Variants in NEMP2 observed in about 807,000 individuals in gnomAD.
The protein encoded by NEMP2 is nuclear envelope integral membrane protein 2.
In NEMP2, 53 loss-of-function variants were observed where a neutral mutation model predicts 54.2. The observed-to-expected ratio is 0.98, with a 90% CI of 0.78 to 1.23. NEMP2 has a LOEUF of 1.23. Ranked by LOEUF, NEMP2 falls within the 50% of genes most tolerant of loss-of-function variation. NEMP2 has a pLI of 0.00. For synonymous variants in NEMP2, 197 were observed against 190.3 expected (o/e 1.04, Z -0.29); for missense variants, 455 against 511.3 (o/e 0.89, Z 1.06).
chr2:190,565,520 A>G, the NEMP2 span, among the ~76,000 whole-genome samples: 1 of 152,212 alleles, frequency 6.6e-6, no homozygotes, highest in Non-Finnish European at 1.5e-5. Context: ...CCTTGGGACC[A>G]ATATCTGTGG....
chr2:190,535,273 T>G (rs1291451110), upstream of NEMP2, among the ~76,000 whole-genome samples: 1 of 152,244 alleles, frequency 6.6e-6, no homozygotes. Flanking sequence ...TTTGGCCGCT[T>G]AAGTAACACT....
the NEMP2 span, among the ~76,000 whole-genome samples, chr2:190,593,240 A>G: frequency 3.3e-5 from 5 of 152,328 alleles, no homozygotes; most frequent in South Asian, 2.1e-4. This position sits in a 1 kb window ranked among gnomAD's most constrained non-coding sequence, Gnocchi z 4.5. Context: ...TGGCTTTCCC[A>G]TATTACTTAG....
the NEMP2 span, among the ~76,000 whole-genome samples, chr2:190,605,751 G>A: frequency 6.6e-6 from 1 of 152,138 alleles, no homozygotes; most frequent in Admixed American, 6.5e-5. Flanking sequence ...CATCTTCTAT[G>A]TGCCAAAGCC....
chr2:190,528,408 T>C lies in NEMP2; in HGVS notation c.98-3030A>G, dbSNP rs1172038685. 6.6e-6 allele frequency among the ~76,000 whole-genome samples: 1 copy of C among 152,136 alleles called. No homozygotes were observed. The highest frequency in any genetic ancestry group is 1.5e-5 in the Non-Finnish European group (1 of 68,010). On this transcript the variant is annotated intron_variant, in intron 1 of 8. Transcript: ENST00000409150. The surrounding 1 kb of genome is among the most constrained non-coding windows in gnomAD (Gnocchi z 4.3). Reference sequence around the variant, plus strand: ...GCCTCCTCGGGGGGGTCTCTAAGCATGGCTAGAGTTAATAACTTTATACTG... The same window carrying C: ...GCCTCCTCGGGGGGGTCTCTAAGCACGGCTAGAGTTAATAACTTTATACTG...
the NEMP2 span, chr2:190,488,800 G>C: frequency 6.4e-7 from 1 of 1,572,776 alleles, no homozygotes; most frequent in South Asian, 1.2e-5. The surrounding 1 kb of genome is among the most constrained non-coding windows in gnomAD (Gnocchi z 6.4). Flanking sequence ...GATCGGAGGC[G>C]TGTTAGTCAA....
chr2:190,561,148 C>T, the NEMP2 span, among the ~76,000 whole-genome samples: 5 of 152,124 alleles, frequency 3.3e-5, no homozygotes, highest in African/African-American at 7.2e-5. The surrounding 1 kb of genome is among the most constrained non-coding windows in gnomAD (Gnocchi z 5.4). Context: ...CCCATCAGGA[C>T]CGCTCATTCT....
At chr2:190,463,857 G>C in the NEMP2 span, 1 of 979,974 alleles carries the variant, frequency 1.0e-6, no homozygotes, top group Non-Finnish European at 1.2e-6. The surrounding 1 kb of genome is among the most constrained non-coding windows in gnomAD (Gnocchi z 4.4). Flanking sequence ...ATAAAAAGCT[G>C]AGAATGATGG....
At chr2:190,534,775 A>G (rs1691310851), upstream of NEMP2, 1 of 713,184 alleles carries the variant, frequency 1.4e-6, no homozygotes, top group African/African-American at 1.8e-5. Context: ...AACGCGGGAA[A>G]GGCGGAGACC....
At chr2:190,473,523 T>G in the NEMP2 span, among the ~76,000 whole-genome samples, 2 of 152,184 alleles carry the variant, frequency 1.3e-5, no homozygotes, top group East Asian at 1.9e-4. Context: ...AAGAGCTAAC[T>G]ATCCTAAATA....
chr2:190,538,374 T>C (rs1043015340), upstream of NEMP2, among the ~76,000 whole-genome samples: 1 of 152,238 alleles, frequency 6.6e-6, no homozygotes, highest in African/African-American at 2.4e-5. The surrounding 1 kb of genome is among the most constrained non-coding windows in gnomAD (Gnocchi z 4.1). Context: ...ATTCATCTCA[T>C]TGATGGACAC....
the NEMP2 span, among the ~76,000 whole-genome samples, chr2:190,605,402 G>A: frequency 6.7e-6 from 1 of 150,230 alleles, no homozygotes; most frequent in Non-Finnish European, 1.5e-5. Context: ...ATGGAGTCTC[G>A]CTCGCTCTGT....
At chr2:190,518,408 A>C (rs1690638444) in intron 4 of NEMP2, among the ~76,000 whole-genome samples, 1 of 152,204 alleles carries the variant, frequency 6.6e-6, no homozygotes. Flanking sequence ...TCCAGCCCTG[A>C]TAAGAACTAG....
At chr2:190,603,178 C>A in the NEMP2 span, among the ~76,000 whole-genome samples, 6 of 151,680 alleles carry the variant, frequency 4.0e-5, 1 homozygote, top group Admixed American at 3.9e-4. Context: ...ATTTTTACAC[C>A]AAGGGGTATG....
the NEMP2 span, among the ~76,000 whole-genome samples, chr2:190,637,037 A>G: frequency 6.6e-6 from 1 of 152,226 alleles, no homozygotes; most frequent in Non-Finnish European, 1.5e-5. This position sits in a 1 kb window ranked among gnomAD's most constrained non-coding sequence, Gnocchi z 4.5. Flanking sequence ...TAATCATTTA[A>G]AAAGTACAGA....
At chr2:190,461,572 TGGCA>T in the NEMP2 span, among the ~76,000 whole-genome samples, 1 of 152,226 alleles carries the variant, frequency 6.6e-6, no homozygotes, top group Non-Finnish European at 1.5e-5. This position sits in a 1 kb window ranked among gnomAD's most constrained non-coding sequence, Gnocchi z 5.5. Flanking sequence ...ATCAAAGTGT[TGGCA>T]GGTTCGGTGA....
rs935353796 is a variant in NEMP2 at position 190,527,479 on chromosome 2, C to T, written c.98-2101G>A. On this transcript the variant is annotated intron_variant, in intron 1 of 8. Coordinates refer to ENST00000409150, the MANE Select transcript of NEMP2 (RefSeq NM_001142645.2). The surrounding 1 kb of genome is among the most constrained non-coding windows in gnomAD (Gnocchi z 4.0). ...GCAGCAAAATTACACAAGGACCCAA[C>T]GTATTCAACTGTGACAGTCAAATCA... 4.6e-5 allele frequency among the ~76,000 whole-genome samples: 7 copies of T among 152,292 alleles called. No individual in the cohort carries two copies. Among genetic ancestry groups the T allele is most frequent in the African/African-American group, 7.2e-5 (3 of 41,554 alleles).
intron 4 of NEMP2, among the ~76,000 whole-genome samples, chr2:190,518,243 T>C (rs1164677593): frequency 6.6e-6 from 1 of 152,182 alleles, no homozygotes; most frequent in Non-Finnish European, 1.5e-5. Context: ...GTTTCTCAGA[T>C]GAGAACTTGT....
Position 190,519,614 on chromosome 2 carries a change from G to T in NEMP2, c.214-431C>A, listed in dbSNP as rs1401328688. The stretch of plus-strand genomic sequence containing the variant: ...AGAATACTCAAATGCGCAGGGTAGA[G>T]TTCTATGTTCTGATCCCAGAGGTGG... On this transcript the variant is annotated intron_variant, in intron 2 of 8. Transcript: ENST00000409150. This position sits in a 1 kb window ranked among gnomAD's most constrained non-coding sequence, Gnocchi z 5.4. Among the ~76,000 whole-genome samples, 3 of 152,182 alleles carry T rather than the reference G, an allele frequency of 2.0e-5. No homozygotes were observed. The highest frequency in any genetic ancestry group is 2.1e-4 in the South Asian group (1 of 4,828).
At chr2:190,469,173 T>C in the NEMP2 span, among the ~76,000 whole-genome samples, 1 of 152,222 alleles carries the variant, frequency 6.6e-6, no homozygotes, top group African/African-American at 2.4e-5. The surrounding 1 kb of genome is among the most constrained non-coding windows in gnomAD (Gnocchi z 5.3). Context: ...CATGTATCCA[T>C]TGAACTGATA....
Sources: gnomAD v4.1 joint callset for allele counts (sites outside exome capture counted in the v4.1 genomes callset) on GRCh38, gnomAD v4.1.1 for gene constraint, Gnocchi (gnomAD v3.1) non-coding constraint, MANE v1.5 for transcripts, NCBI Gene and HGNC (gene_info 2026-07-23, HGNC 2026-07-21) for gene names.